ATP11B: variants seen among roughly 807,000 people sequenced by gnomAD.
The protein encoded by ATP11B is phospholipid-transporting ATPase IF.
ATP11B carries 81 observed loss-of-function variants against 157.8 expected under a neutral mutation model. That is an observed-to-expected ratio of 0.51 (90% CI 0.43 to 0.62). The LOEUF (loss-of-function observed/expected upper bound fraction) is 0.62, where lower values mean the gene tolerates loss of function less well. ATP11B is among the 20% of genes least tolerant of loss of function. ATP11B has a pLI of 0.00. For synonymous variants in ATP11B, 451 were observed against 469.4 expected, an observed-to-expected ratio of 0.96 and a Z score of 0.51; for missense variants, 1,165 against 1,402.2, an observed-to-expected ratio of 0.83 and a Z score of 2.70.
chr3:182,916,569 T>C (rs1725155287), intron 29 of ATP11B: 8 of 985,244 alleles, frequency 8.1e-6, no homozygotes, highest in Non-Finnish European at 9.6e-6. Context: ...ATTTTAGCAA[T>C]AAAAGATTTT....
rs1185890656 is a variant in ATP11B, at chr3:182,921,315, T to G, written c.*3211T>G. The G allele has an allele frequency of 6.6e-6, 1 of 151,820 alleles. No individual in the cohort carries two copies. The highest frequency in any genetic ancestry group is 2.4e-5 in the African/African-American group (1 of 41,132). The allele number at this position is 151,820 out of a possible 1,614,324, so 9.4% of individuals were successfully genotyped here. ...TTTCTATTTTGAAATGAGTTATCTA[T>G]TTTCATAAAAGTAAAACACTATTAA... is the stretch of plus-strand genomic sequence containing the variant. On this transcript the variant is annotated 3_prime_UTR_variant, in exon 30 of 30. Coordinates refer to ENST00000323116, the MANE Select transcript of ATP11B (RefSeq NM_014616.3).
intron 27 of ATP11B, 47 bp from the exon 28 acceptor site, chr3:182,898,560 A>AAAAT (rs552432118): frequency 1.3e-5 from 20 of 1,513,520 alleles, no homozygotes; most frequent in Non-Finnish European, 1.8e-5. Context: ...TCCTGATTTA[A>AAAAT]GTCTTTCAGT....
chr3:182,867,432 G>C lies in ATP11B; in HGVS notation c.1676G>C (p.Gly559Ala). 1 of 1,606,084 alleles carries C rather than the reference G, an allele frequency of 6.2e-7. No homozygotes were observed. The highest frequency in any genetic ancestry group is 8.5e-7 in the Non-Finnish European group (1 of 1,173,140). ...GAAACTATGGAGGTTAAAACTCTTGGAAAACTGGAACGGTAATTTTTTTTC... is the reference window on the plus strand; with the variant it reads ...GAAACTATGGAGGTTAAAACTCTTGCAAAACTGGAACGGTAATTTTTTTTC... ...SEETMEVKTLGKLERYKLLHI... is the reference protein window; with the variant it reads ...SEETMEVKTLAKLERYKLLHI... The change falls in exon 15 of 30, where the codon GGA becomes GCA. Residue 559 changes from glycine to alanine, a missense_variant. Transcript: ENST00000323116.
intron 15 of ATP11B, 34 bp from the exon 16 acceptor site, chr3:182,869,044 A>G (rs765662374): frequency 1.0e-5 from 15 of 1,442,984 alleles, no homozygotes; most frequent in Non-Finnish European, 1.4e-5. Flanking sequence ...TAAAAAAAGT[A>G]AAGTTTTTGT....
At chr3:182,863,611 C>T (rs573249421) in intron 12 of ATP11B, among the ~76,000 whole-genome samples, 77 of 152,030 alleles carry the variant, frequency 5.1e-4, no homozygotes, top group African/African-American at 1.9e-3. Context: ...CTTCTGTGCT[C>T]TTTCATTTCC....
At chr3:182,860,598 T>A (rs1720756626) in intron 12 of ATP11B, among the ~76,000 whole-genome samples, 1 of 152,226 alleles carries the variant, frequency 6.6e-6, no homozygotes, top group Non-Finnish European at 1.5e-5. Flanking sequence ...TGTCTTTCTA[T>A]GTTTCTCTTG....
At chr3:182,851,171 A>G (rs920448777) in intron 10 of ATP11B, among the ~76,000 whole-genome samples, 1 of 152,176 alleles carries the variant, frequency 6.6e-6, no homozygotes, top group African/African-American at 2.4e-5. Flanking sequence ...GTGCGCCTGT[A>G]GTCCCAGCTG....
chr3:182,848,105 A>G (rs1024397075), intron 9 of ATP11B, among the ~76,000 whole-genome samples: 1 of 152,182 alleles, frequency 6.6e-6, no homozygotes, highest in Non-Finnish European at 1.5e-5. Flanking sequence ...TCCCAACCTA[A>G]CAGAAAGTGC....
rs1560144498 is a variant in ATP11B at position 182,921,141 on chromosome 3, G to C, written c.*3037G>C. The stretch of plus-strand genomic sequence containing the variant: ...TACTCTGAAAAATCTCGTGAAGGCT[G>C]TAGGAAAAGGGAGAATCTTCCATGT... On this transcript the variant is annotated 3_prime_UTR_variant, in exon 30 of 30. Transcript: ENST00000323116. 6.6e-6 allele frequency: 1 copy of C among 152,208 alleles called. No individual in the cohort carries two copies. Among genetic ancestry groups the C allele is most frequent in the Non-Finnish European group, 1.5e-5 (1 of 68,040 alleles). 9.4% of individuals were successfully genotyped at this position (152,208 alleles called of 1,614,324 possible).
At chr3:182,823,839 T>A (rs1045781753) in intron 2 of ATP11B, among the ~76,000 whole-genome samples, 3 of 152,110 alleles carry the variant, frequency 2.0e-5, no homozygotes, top group African/African-American at 7.2e-5. Context: ...GTTTTTTTTT[T>A]AACTTGGGGT....
intron 24 of ATP11B, among the ~76,000 whole-genome samples, chr3:182,888,313 C>T (rs1266925860): frequency 6.6e-6 from 1 of 152,160 alleles, no homozygotes; most frequent in East Asian, 1.9e-4. Context: ...TTATCTAGGA[C>T]AGGGCTTGAC....
chr3:182,807,357 G>A (rs974447289), intron 1 of ATP11B, among the ~76,000 whole-genome samples: 1 of 152,122 alleles, frequency 6.6e-6, no homozygotes, highest in African/African-American at 2.4e-5. Context: ...AAAAAAAAAT[G>A]ATCAAGAGTT....
At chr3:182,866,133 C>A in intron 13 of ATP11B, 135 bp from the exon 14 acceptor site, 1 of 627,816 alleles carries the variant, frequency 1.6e-6, no homozygotes, top group Non-Finnish European at 2.5e-6. Context: ...TTTTTGAAGG[C>A]AGAAACAACC....
At chr3:182,794,063 G>A (rs1576933070) in intron 1 of ATP11B, among the ~76,000 whole-genome samples, 1 of 152,158 alleles carries the variant, frequency 6.6e-6, no homozygotes, top group Non-Finnish European at 1.5e-5. Context: ...CCCCCTTGCC[G>A]CTCCGGGGCT....
intron 25 of ATP11B, 77 bp from the exon 26 acceptor site, chr3:182,896,623 A>C: frequency 1.6e-6 from 2 of 1,224,046 alleles, no homozygotes; most frequent in South Asian, 1.3e-5. Context: ...GATTTTTAGT[A>C]GAGAATTAAA....
At chr3:182,877,591 G>A (rs1722133283) in intron 19 of ATP11B, among the ~76,000 whole-genome samples, 1 of 152,160 alleles carries the variant, frequency 6.6e-6, no homozygotes, top group South Asian at 2.1e-4. Flanking sequence ...GTGGTGAGTT[G>A]TGATCACACC....
rs185577712 is a variant in ATP11B, at chr3:182,851,075, T to C, written c.851+2518T>C. 2.0e-3 allele frequency among the ~76,000 whole-genome samples: 304 copies of C among 152,266 alleles called. 1 individual carries two copies. Among genetic ancestry groups the C allele is most frequent in the African/African-American group, 7.0e-3 (290 of 41,550 alleles). ...TGGGAGGCTGAGGTGGGTGGATCAC[T>C]TGAAGTCAGGAGTTCAAGGCCAATC... is the stretch of plus-strand genomic sequence containing the variant. On this transcript the variant is annotated intron_variant, in intron 10 of 29. Transcript: ENST00000323116.
intron 28 of ATP11B, among the ~76,000 whole-genome samples, chr3:182,901,001 G>A (rs1435833098): frequency 1.3e-5 from 2 of 151,998 alleles, no homozygotes; most frequent in Non-Finnish European, 1.5e-5. Flanking sequence ...CCAACATGGT[G>A]AAACACCGTC....
chr3:182,841,933 C>T (rs1302385105), intron 7 of ATP11B, 142 bp from the exon 8 acceptor site: 7 of 504,872 alleles, frequency 1.4e-5, no homozygotes, highest in East Asian at 7.7e-5. Flanking sequence ...GAGCCGAGAT[C>T]GCACCACTGC....
Sources: allele counts gnomAD v4.1 joint callset (sites outside exome capture counted in the v4.1 genomes callset), GRCh38; gene constraint gnomAD v4.1.1; transcripts MANE v1.5; gene names NCBI Gene and HGNC (gene_info 2026-07-23, HGNC 2026-07-21).